Variants in SORCS2 observed in about 807,000 individuals in gnomAD.
SORCS2 encodes VPS10 domain-containing receptor SorCS2.
A neutral mutation model predicts 141.6 loss-of-function variants in SORCS2; 100 were observed. The observed-to-expected ratio is 0.71, with a 90% CI of 0.60 to 0.83. The LOEUF (loss-of-function observed/expected upper bound fraction) is 0.83, where lower values mean the gene tolerates loss of function less well. Among genes scored for constraint, SORCS2 ranks in the 40% least tolerant of loss-of-function variants. The pLI is 0.00. For missense variants in SORCS2, 1,646 were observed against 1,560.2 expected (o/e 1.05, Z -0.93); for synonymous variants, 789 against 676.9 (o/e 1.17, Z -2.57).
At position 7,733,415 on chromosome 4, in the gene SORCS2, G is replaced by A. The variant is rs776418518; in HGVS notation, c.3202G>A (p.Gly1068Ser). 9 of 1,585,912 alleles carry A rather than the reference G, an allele frequency of 5.7e-6. No homozygotes were observed. Among genetic ancestry groups the A allele is most frequent in the Non-Finnish European group, 6.9e-6 (8 of 1,166,270 alleles). ...VRVLVALRDTGTGAEQLGGGG... is the reference protein window; with the variant it reads ...VRVLVALRDTSTGAEQLGGGG... ...GGTCCTGGTGGCCCTGCGGGACACA[G>A]GCACAGGTGAGCCACTGGGAGCTCC... is the stretch of plus-strand genomic sequence containing the variant. The change falls in exon 24 of 27, where the codon GGC (glycine) becomes AGC (serine). Residue 1068 changes from glycine to serine, a missense_variant. Coordinates refer to ENST00000507866, the MANE Select transcript of SORCS2 (RefSeq NM_020777.3).
chr4:7,576,269 C>A (rs548413043), intron 3 of SORCS2, among the ~76,000 whole-genome samples: 2 of 152,296 alleles, frequency 1.3e-5, no homozygotes, highest in South Asian at 4.1e-4. Context: ...CGTGGGTTGG[C>A]TGTGTAAAGT....
chr4:7,638,852 C>A (rs893437318), intron 4 of SORCS2, among the ~76,000 whole-genome samples: 1 of 152,208 alleles, frequency 6.6e-6, no homozygotes, highest in Non-Finnish European at 1.5e-5. Flanking sequence ...CAGAACATTG[C>A]GCACACCCTC....
At chr4:7,729,825 G>T in intron 23 of SORCS2, 113 bp downstream of exon 23, 1 of 1,428,588 alleles carries the variant, frequency 7.0e-7, no homozygotes. Context: ...CGTCTTTCTC[G>T]CTGCATCTCA....
intron 2 of SORCS2, among the ~76,000 whole-genome samples, chr4:7,440,945 T>C (rs769284496): frequency 6.6e-6 from 1 of 151,992 alleles, no homozygotes; most frequent in Non-Finnish European, 1.5e-5. Flanking sequence ...AGACAGACCA[T>C]GAATGAGTGA....
chr4:7,301,824 T>C (rs1480461213), intron 1 of SORCS2, among the ~76,000 whole-genome samples: 1 of 152,260 alleles, frequency 6.6e-6, no homozygotes, highest in Non-Finnish European at 1.5e-5. Context: ...TCTCCTGAGC[T>C]GGAAGGACGG....
At chr4:7,487,332 C>T (rs12645507) in intron 2 of SORCS2, among the ~76,000 whole-genome samples, 62,532 of 152,128 alleles carry the variant, frequency 0.41, 13,809 homozygotes, top group East Asian at 0.7. Context: ...CTGAAGTGGG[C>T]TGTGTTATCC....
chr4:7,413,190 T>C (rs1725440294), intron 2 of SORCS2, among the ~76,000 whole-genome samples: 1 of 152,100 alleles, frequency 6.6e-6, no homozygotes, highest in Non-Finnish European at 1.5e-5. Context: ...ATACTGTAAT[T>C]ATAATTTGTG....
chr4:7,610,463 C>A (rs1336253194), intron 3 of SORCS2, among the ~76,000 whole-genome samples: 1 of 152,140 alleles, frequency 6.6e-6, no homozygotes, highest in Non-Finnish European at 1.5e-5. Flanking sequence ...TGCACGAGGC[C>A]CCCCGGGTTC....
intron 3 of SORCS2, among the ~76,000 whole-genome samples, chr4:7,533,046 A>T (rs533427035): frequency 5.9e-5 from 9 of 151,880 alleles, no homozygotes; most frequent in Middle Eastern, 3.4e-3. Flanking sequence ...GGATTCACAC[A>T]CCCGATCTCT....
chr4:7,414,259 A>G (rs1336541063), intron 2 of SORCS2, among the ~76,000 whole-genome samples: 2 of 152,238 alleles, frequency 1.3e-5, no homozygotes, highest in African/African-American at 4.8e-5. Flanking sequence ...CCACAGTTGC[A>G]CATGGCAAGA....
rs150715037 is a variant in SORCS2, at chr4:7,707,123, G to A, written c.1868+2839G>A. On this transcript the variant is annotated intron_variant, in intron 14 of 26. Transcript: ENST00000507866. ...GGCAGCAGCCTGTCCTCTCCGGGCC[G>A]AGCAGAGGTGGGACCCCCTATGAGG... Among the ~76,000 whole-genome samples the A allele has an allele frequency of 4.5e-3, 681 of 152,346 alleles. 4 individuals carry two copies. The highest frequency in any genetic ancestry group is 0.015 in the African/African-American group (630 of 41,580).
chr4:7,444,039 T>C (rs766392130), intron 2 of SORCS2, among the ~76,000 whole-genome samples: 54 of 152,296 alleles, frequency 3.5e-4, no homozygotes, highest in South Asian at 2.1e-4. Flanking sequence ...CAGGTGAAGG[T>C]TGAGGGCTGG....
chr4:7,476,686 C>T (rs77814320), intron 2 of SORCS2, among the ~76,000 whole-genome samples: 2,093 of 152,296 alleles, frequency 0.014, 43 homozygotes, highest in African/African-American at 0.048. Context: ...GCGGCCATGC[C>T]TCCTGCTAGG....
In SORCS2 at chr4:7,193,569, G is replaced by C. The variant is rs1207480724; in HGVS notation, c.480+443G>C. Reference sequence around the variant, plus strand: ...ATCCTTCCCTCCCTGGTCTACCAGGGACTCCGCGGTGGCGCCTCCGCAGGC... The same window carrying C: ...ATCCTTCCCTCCCTGGTCTACCAGGCACTCCGCGGTGGCGCCTCCGCAGGC... On this transcript the variant is annotated intron_variant, in intron 1 of 26. Transcript: ENST00000507866. The surrounding 1 kb of genome is among the most constrained non-coding windows in gnomAD (Gnocchi z 4.8). 6.6e-6 allele frequency among the ~76,000 whole-genome samples: 1 copy of C among 152,132 alleles called. No homozygotes were observed. The highest frequency in any genetic ancestry group is 1.5e-5 in the Non-Finnish European group (1 of 68,016).
chr4:7,533,328 G>C (rs910719375), intron 3 of SORCS2, among the ~76,000 whole-genome samples: 1 of 152,184 alleles, frequency 6.6e-6, no homozygotes, highest in Non-Finnish European at 1.5e-5. Flanking sequence ...CTTCTTCCTG[G>C]GGTTGCTGTG....
intron 3 of SORCS2, among the ~76,000 whole-genome samples, chr4:7,548,083 A>G (rs79903495): frequency 0.022 from 3,357 of 152,304 alleles, 123 homozygotes; most frequent in African/African-American, 0.076. Flanking sequence ...ATTTTCTGAA[A>G]GCAAGGAGGA....
At chr4:7,718,214 G>A (rs750827312) in intron 18 of SORCS2, 31 bp downstream of exon 18, 1 of 1,596,584 alleles carries the variant, frequency 6.3e-7, no homozygotes, top group Admixed American at 1.7e-5. Flanking sequence ...AGGCTCCTGG[G>A]ACTGTCGGGC....
chr4:7,327,431 C>T (rs1189659179), intron 1 of SORCS2, among the ~76,000 whole-genome samples: 1 of 152,198 alleles, frequency 6.6e-6, no homozygotes, highest in Non-Finnish European at 1.5e-5. Context: ...GACACAGGGA[C>T]GGGATTAGTA....
At chr4:7,364,566 C>T (rs933314440) in intron 1 of SORCS2, among the ~76,000 whole-genome samples, 1 of 152,118 alleles carries the variant, frequency 6.6e-6, no homozygotes, top group African/African-American at 2.4e-5. Context: ...GGGCAATGCT[C>T]ATGGGTCAGG....
Sources: allele counts gnomAD v4.1 joint callset (sites outside exome capture counted in the v4.1 genomes callset), GRCh38; gene constraint gnomAD v4.1.1; non-coding constraint Gnocchi (gnomAD v3.1); transcripts MANE v1.5; gene names NCBI Gene and HGNC (gene_info 2026-07-23, HGNC 2026-07-21).